The following ASCC3 variants were observed in gnomAD, a reference collection of about 807,000 sequenced individuals.
ASCC3 encodes activating signal cointegrator 1 complex subunit 3, also known as ASC-1 complex subunit P200.
ASCC3 carries 158 observed loss-of-function variants against 256.3 expected under a neutral mutation model. The observed-to-expected ratio is 0.62, with a 90% CI of 0.54 to 0.70. The LOEUF (loss-of-function observed/expected upper bound fraction) is 0.70. Among genes scored for constraint, ASCC3 ranks in the 30% least tolerant of loss-of-function variants. The pLI is 0.00. For synonymous variants in ASCC3, 948 were observed against 883.4 expected (o/e 1.07, Z -1.30); for missense variants, 2,259 against 2,626.0 (o/e 0.86, Z 3.05).
intron 1 of ASCC3, among the ~76,000 whole-genome samples, chr6:100,878,924 CCA>C (rs1248608787): frequency 6.6e-6 from 1 of 152,108 alleles, no homozygotes; most frequent in Non-Finnish European, 1.5e-5. Context: ...CTGTCATATC[CCA>C]CAGATTGAAG....
chr6:100,761,663 C>G (rs1781428707), intron 10 of ASCC3, among the ~76,000 whole-genome samples: 1 of 152,026 alleles, frequency 6.6e-6, no homozygotes, highest in African/African-American at 2.4e-5. Flanking sequence ...AGGGTATAAT[C>G]CAACATGCAT....
chr6:100,522,576 G>A (rs1466603479), intron 37 of ASCC3, among the ~76,000 whole-genome samples: 1 of 151,856 alleles, frequency 6.6e-6, no homozygotes, highest in African/African-American at 2.4e-5. Flanking sequence ...TAATTAAAAT[G>A]AACACGCATG....
chr6:100,874,428 T>G (rs1055165499), intron 1 of ASCC3, among the ~76,000 whole-genome samples: 26 of 129,122 alleles, frequency 2.0e-4, no homozygotes, highest in Non-Finnish European at 2.0e-4. Flanking sequence ...ATCGCACCAT[T>G]GCATTCCAGC....
At chr6:100,583,044 TTC>T (rs1468118441) in intron 36 of ASCC3, among the ~76,000 whole-genome samples, 1 of 152,218 alleles carries the variant, frequency 6.6e-6, no homozygotes, top group Non-Finnish European at 1.5e-5. Context: ...TGGTCTAAAA[TTC>T]TCTTTTTTGG....
chr6:100,638,676 T>C lies in ASCC3; in HGVS notation c.4047A>G (p.Ala1349=). ...CAACAGTCTTTCCCGATCCAGTAGG[T>C]GCTCCAAGTAGGACATTACAATCCG... The part of the protein sequence containing the change: ...YHTDCNVLLG[A]PTGSGKTVAA... The change falls in exon 25 of 42, where the codon GCA becomes GCG. Residue 1349 remains alanine, a synonymous_variant. Transcript: ENST00000369162. 1 of 1,614,068 alleles carries C rather than the reference T, an allele frequency of 6.2e-7. No individual in the cohort carries two copies. The highest frequency in any genetic ancestry group is 8.5e-7 in the Non-Finnish European group (1 of 1,179,982).
intron 10 of ASCC3, among the ~76,000 whole-genome samples, chr6:100,755,195 T>A (rs945203891): frequency 6.6e-6 from 1 of 152,158 alleles, no homozygotes; most frequent in African/African-American, 2.4e-5. Flanking sequence ...GTAAAAATGT[T>A]CTGGAACAGC....
chr6:100,852,817 C>T (rs565017723), intron 3 of ASCC3, among the ~76,000 whole-genome samples: 12 of 152,068 alleles, frequency 7.9e-5, no homozygotes, highest in East Asian at 7.7e-4. Flanking sequence ...AGCTGTAAAC[C>T]GGAAAACTGG....
At chr6:100,592,855 C>A (rs1266993293) in intron 34 of ASCC3, among the ~76,000 whole-genome samples, 1 of 152,088 alleles carries the variant, frequency 6.6e-6, no homozygotes, top group African/African-American at 2.4e-5. Context: ...GTTATTTAAA[C>A]ACAAACATTT....
At chr6:100,565,280 A>G (rs1164208218) in intron 36 of ASCC3, among the ~76,000 whole-genome samples, 1 of 152,122 alleles carries the variant, frequency 6.6e-6, no homozygotes, top group Admixed American at 6.6e-5. Context: ...TTAGCCCCAA[A>G]AGAAAGAACA....
intron 14 of ASCC3, among the ~76,000 whole-genome samples, chr6:100,669,651 T>A (rs984969439): frequency 2.6e-5 from 4 of 151,722 alleles, no homozygotes; most frequent in African/African-American, 9.7e-5. Context: ...TGAAGAATAA[T>A]CAGGATGTTT....
At chr6:100,550,301 G>A (rs1047239704) in intron 36 of ASCC3, among the ~76,000 whole-genome samples, 1 of 151,770 alleles carries the variant, frequency 6.6e-6, no homozygotes, top group Non-Finnish European at 1.5e-5. Context: ...GATTTTGAAT[G>A]AAAACACTAA....
intron 7 of ASCC3, 23 bp from the exon 8 acceptor site, chr6:100,798,861 T>A (rs775433212): frequency 1.3e-6 from 2 of 1,585,806 alleles, no homozygotes; most frequent in Middle Eastern, 1.7e-4. Flanking sequence ...ACAATAAAAA[T>A]CCAATAATAA....
intron 36 of ASCC3, among the ~76,000 whole-genome samples, chr6:100,562,039 C>G (rs1346192662): frequency 6.6e-6 from 1 of 152,056 alleles, no homozygotes; most frequent in Non-Finnish European, 1.5e-5. Context: ...GTCCTTCTTA[C>G]ACCTCAATTT....
chr6:100,651,928 A>C (rs1775690644), intron 18 of ASCC3, among the ~76,000 whole-genome samples: 1 of 152,078 alleles, frequency 6.6e-6, no homozygotes, highest in Admixed American at 6.6e-5. Flanking sequence ...ATACCTTTAA[A>C]AAGTTAATAA....
intron 4 of ASCC3, among the ~76,000 whole-genome samples, chr6:100,823,705 A>G (rs1771164577): frequency 6.6e-6 from 1 of 152,194 alleles, no homozygotes; most frequent in Non-Finnish European, 1.5e-5. Context: ...ATCAACCAAA[A>G]GACTCAGTTG....
intron 1 of ASCC3, among the ~76,000 whole-genome samples, chr6:100,876,130 G>C (rs764592474): frequency 6.6e-6 from 1 of 152,134 alleles, no homozygotes; most frequent in Non-Finnish European, 1.5e-5. Flanking sequence ...TAGGTCTAGA[G>C]AGACTTGGAT....
At chr6:100,574,178 T>G (rs1215489485) in intron 36 of ASCC3, among the ~76,000 whole-genome samples, 1 of 152,178 alleles carries the variant, frequency 6.6e-6, no homozygotes, top group Non-Finnish European at 1.5e-5. Context: ...ATTCCCCACG[T>G]GCACTGACTA....
intron 8 of ASCC3, among the ~76,000 whole-genome samples, chr6:100,768,867 T>A (rs1781787785): frequency 6.6e-6 from 1 of 152,126 alleles, no homozygotes; most frequent in South Asian, 2.1e-4. Context: ...ATACAAAGCA[T>A]ATTCTCTGAC....
At chr6:100,634,891 A>AAG (rs1774760389) in intron 25 of ASCC3, among the ~76,000 whole-genome samples, 1 of 151,762 alleles carries the variant, frequency 6.6e-6, no homozygotes, top group East Asian at 1.9e-4. Context: ...AAGAAAAGAA[A>AAG]AAAGAAAAAA....
Sources: allele counts gnomAD v4.1 joint callset (sites outside exome capture counted in the v4.1 genomes callset), GRCh38; gene constraint gnomAD v4.1.1; transcripts MANE v1.5; gene names NCBI Gene and HGNC (gene_info 2026-07-23, HGNC 2026-07-21).